Variants in FRMD5 observed in about 807,000 individuals in gnomAD.
FRMD5 encodes the protein FERM domain-containing protein 5.
Under a neutral mutation model 69.0 loss-of-function variants are expected in FRMD5, and 20 were observed. The observed-to-expected ratio is 0.29, with a 90% CI of 0.20 to 0.42. The LOEUF is 0.42. Among genes scored for constraint, FRMD5 ranks in the 10% least tolerant of loss-of-function variants. FRMD5 has a pLI of 1.00. For missense variants in FRMD5, 595 were observed against 708.6 expected, an observed-to-expected ratio of 0.84 and a Z score of 1.82; for synonymous variants, 271 against 260.1, an observed-to-expected ratio of 1.04 and a Z score of -0.40.
intron 1 of FRMD5, among the ~76,000 whole-genome samples, chr15:43,981,288 T>C (rs952061860): frequency 6.6e-6 from 1 of 152,098 alleles, no homozygotes; most frequent in Non-Finnish European, 1.5e-5. Context: ...ATGTGTGACA[T>C]CCTGTATTCT....
chr15:43,967,222 T>C (rs1012706564), intron 1 of FRMD5, among the ~76,000 whole-genome samples: 2 of 139,550 alleles, frequency 1.4e-5, no homozygotes, highest in Non-Finnish European at 3.0e-5. Flanking sequence ...TACACATAAA[T>C]ATATAAACAT....
intron 1 of FRMD5, among the ~76,000 whole-genome samples, chr15:43,997,130 G>T (rs1486124928): frequency 6.6e-6 from 1 of 152,114 alleles, no homozygotes; most frequent in Non-Finnish European, 1.5e-5. Flanking sequence ...AGACACAGGG[G>T]ACCTACCTTA....
At position 43,886,342 on chromosome 15, in the gene FRMD5, G is replaced by A. The variant is rs777052142; in HGVS notation, c.885-587C>T. ...ACCACAGTAAAGACAGAAATCCTGCGATGAAGAAACTAGCTTAACTTTAAT... is the reference window on the plus strand; with the variant it reads ...ACCACAGTAAAGACAGAAATCCTGCAATGAAGAAACTAGCTTAACTTTAAT... On this transcript the variant is annotated intron_variant, in intron 10 of 13. Coordinates refer to ENST00000417257, the MANE Select transcript of FRMD5 (RefSeq NM_032892.5). Among the ~76,000 whole-genome samples, 4 of 152,288 alleles carry A rather than the reference G, an allele frequency of 2.6e-5. No homozygotes were observed. The East Asian group carries it at 5.8e-4, about 22-fold the overall frequency.
In FRMD5 at chr15:43,952,008, G is replaced by C. The variant is rs865873896; in HGVS notation, c.103-27699C>G. ...TGTGTGTGTGTGTGTGTCTGTGTGTGTGTGTGTGTGTGTGTGTGTGTGTGT... is the reference window on the plus strand; with the variant it reads ...TGTGTGTGTGTGTGTGTCTGTGTGTCTGTGTGTGTGTGTGTGTGTGTGTGT... On this transcript the variant is annotated intron_variant, in intron 1 of 13. Transcript: ENST00000417257. Among the ~76,000 whole-genome samples, 871 of 142,944 alleles carry C rather than the reference G, an allele frequency of 6.1e-3. 7 individuals carry two copies. The highest frequency in any genetic ancestry group is 0.021 in the African/African-American group (758 of 36,492). The allele number at this position is 142,944 out of a possible 152,430, so 93.8% of individuals were successfully genotyped here.
intron 1 of FRMD5, among the ~76,000 whole-genome samples, chr15:44,019,857 T>G (rs536625648): frequency 6.6e-6 from 1 of 151,928 alleles, no homozygotes; most frequent in East Asian, 1.9e-4. Context: ...TCCCACTTAA[T>G]TTTTCTGTTC....
At chr15:44,026,358 T>A (rs1891428562) in intron 1 of FRMD5, among the ~76,000 whole-genome samples, 1 of 152,226 alleles carries the variant, frequency 6.6e-6, no homozygotes. Flanking sequence ...TACCCTCTTC[T>A]GTCATACCTA....
At chr15:44,172,576 C>A (rs115864681) in intron 1 of FRMD5, among the ~76,000 whole-genome samples, 1,884 of 152,162 alleles carry the variant, frequency 0.012, 49 homozygotes, top group African/African-American at 0.044. Context: ...AAACTAGCCT[C>A]TAGTTTCAAA....
intron 1 of FRMD5, among the ~76,000 whole-genome samples, chr15:43,927,776 A>G (rs11637468): frequency 0.11 from 16,179 of 151,900 alleles, 1,292 homozygotes; most frequent in East Asian, 0.23. Context: ...ACACTACTAC[A>G]GTATGATGTG....
intron 2 of FRMD5, among the ~76,000 whole-genome samples, chr15:43,920,415 T>TC (rs1435361378): frequency 1.3e-5 from 2 of 152,182 alleles, no homozygotes; most frequent in Non-Finnish European, 2.9e-5. Flanking sequence ...TGTTTTAAAA[T>TC]CTAAATCTCA....
chr15:44,048,594 A>T (rs1171228430), intron 1 of FRMD5, among the ~76,000 whole-genome samples: 6 of 151,928 alleles, frequency 3.9e-5, no homozygotes, highest in African/African-American at 1.5e-4. Context: ...TTTTTTTGAG[A>T]TAGAGTCTCA....
At chr15:44,024,462 T>C (rs1353276465) in intron 1 of FRMD5, among the ~76,000 whole-genome samples, 1 of 152,220 alleles carries the variant, frequency 6.6e-6, no homozygotes, top group Non-Finnish European at 1.5e-5. Context: ...CAAAACTACA[T>C]GTCAGGCATT....
At chr15:44,166,512 C>T (rs772747589) in intron 1 of FRMD5, among the ~76,000 whole-genome samples, 3 of 151,902 alleles carry the variant, frequency 2.0e-5, no homozygotes, top group African/African-American at 7.3e-5. Context: ...ACGCCAGGTG[C>T]GATGGCTCAT....
At chr15:44,017,889 G>A (rs550066265) in intron 1 of FRMD5, among the ~76,000 whole-genome samples, 6 of 152,072 alleles carry the variant, frequency 3.9e-5, no homozygotes, top group Non-Finnish European at 8.8e-5. Context: ...GATTACAAGT[G>A]TGAGCCACCG....
In FRMD5 at chr15:44,194,886, G is replaced by A. The variant is rs972392316; in HGVS notation, c.102+67C>T. The A allele has an allele frequency of 1.4e-5, 19 of 1,372,164 alleles. No homozygotes were observed. In the African/African-American group the frequency reaches 2.2e-4, roughly 16 times the overall value. The allele number at this position is 1,372,164 out of a possible 1,614,324, so 85.0% of individuals were successfully genotyped here. Reference sequence around the variant, plus strand: ...CGACCCCTGGGCGGCGGCCGCCGCCGGCCAAGTTGACCAGACTTGGGGGAC... The same window carrying A: ...CGACCCCTGGGCGGCGGCCGCCGCCAGCCAAGTTGACCAGACTTGGGGGAC... On this transcript the variant is annotated intron_variant, in intron 1 of 13. Transcript: ENST00000417257.
intron 1 of FRMD5, among the ~76,000 whole-genome samples, chr15:44,097,958 C>A (rs1193858968): frequency 1.3e-5 from 2 of 152,044 alleles, no homozygotes; most frequent in African/African-American, 4.8e-5. Flanking sequence ...ATGTTTACTG[C>A]ATCCTAATGT....
intron 1 of FRMD5, among the ~76,000 whole-genome samples, chr15:43,972,900 A>G (rs1397826342): frequency 1.3e-5 from 2 of 152,284 alleles, no homozygotes; most frequent in East Asian, 3.9e-4. Flanking sequence ...TGCTTTTCAG[A>G]TATTTGATAC....
chr15:43,941,182 C>G (rs1223496017), intron 1 of FRMD5, among the ~76,000 whole-genome samples: 2 of 152,174 alleles, frequency 1.3e-5, no homozygotes, highest in Non-Finnish European at 2.9e-5. Context: ...GCCTGAGCAA[C>G]ATGGTGAAAC....
chr15:43,905,477 C>A (rs1463440779), intron 6 of FRMD5, among the ~76,000 whole-genome samples: 1 of 152,102 alleles, frequency 6.6e-6, no homozygotes, highest in Non-Finnish European at 1.5e-5. Context: ...TTTCCTTTAT[C>A]TTTTCCTTTT....
intron 1 of FRMD5, among the ~76,000 whole-genome samples, chr15:44,094,426 A>G (rs945757556): frequency 6.6e-6 from 1 of 152,138 alleles, no homozygotes; most frequent in African/African-American, 2.4e-5. Flanking sequence ...TGCTAAGGCT[A>G]GCTCGAGTTC....
Sources: gnomAD v4.1 joint callset for allele counts (sites outside exome capture counted in the v4.1 genomes callset) on GRCh38, gnomAD v4.1.1 for gene constraint, MANE v1.5 for transcripts, NCBI Gene and HGNC (gene_info 2026-07-23, HGNC 2026-07-21) for gene names.